RASGRF2: variants seen among roughly 807,000 people sequenced by gnomAD.
The protein encoded by RASGRF2 is ras-specific guanine nucleotide-releasing factor 2.
RASGRF2 carries 76 observed loss-of-function variants against 151.0 expected under a neutral mutation model. That is an observed-to-expected ratio of 0.50 (90% CI 0.42 to 0.61). The LOEUF is 0.61. Ranked by LOEUF, RASGRF2 falls within the 20% of genes least tolerant of loss-of-function variation. RASGRF2 has a pLI of 0.00. For synonymous variants in RASGRF2, 504 were observed against 566.5 expected, an observed-to-expected ratio of 0.89 and a Z score of 1.57; for missense variants, 1,148 against 1,564.6, an observed-to-expected ratio of 0.73 and a Z score of 4.49.
intron 17 of RASGRF2, among the ~76,000 whole-genome samples, chr5:81,157,061 C>A (rs1295701899): frequency 6.6e-6 from 1 of 152,114 alleles, no homozygotes; most frequent in African/African-American, 2.4e-5. Context: ...CTATTCACAA[C>A]ATCATTAAAA....
intron 17 of RASGRF2, among the ~76,000 whole-genome samples, chr5:81,172,465 GTGTGTGTGT>G (rs1168592596): frequency 6.7e-6 from 1 of 149,642 alleles, no homozygotes; most frequent in Admixed American, 6.6e-5. Flanking sequence ...GTGTGTGTGT[GTGTGTGTGT>G]TTATTGTTAC....
rs76452433 is a variant in RASGRF2, at chr5:81,119,725, A to G, written c.2471-3917A>G. On this transcript the variant is annotated intron_variant, in intron 15 of 26. Transcript: ENST00000265080. ...ATCATTCATGGCCTGGGGCCAGCAG[A>G]TGGAGGGAACCTGTGAATAACAGTA... is the stretch of plus-strand genomic sequence containing the variant. 5.3e-3 allele frequency among the ~76,000 whole-genome samples: 811 copies of G among 152,348 alleles called. 4 individuals carry two copies. The highest frequency in any genetic ancestry group is 0.018 in the African/African-American group (750 of 41,568).
At chr5:81,200,958 G>C (rs75173403) in intron 18 of RASGRF2, among the ~76,000 whole-genome samples, 9 of 152,128 alleles carry the variant, frequency 5.9e-5, no homozygotes, top group Non-Finnish European at 1.2e-4. Context: ...TGTGTTGGGG[G>C]CGTGGTACGT....
rs1461889525 is a variant in RASGRF2 at position 81,228,409 on chromosome 5, A to G, written c.*2639A>G. 1 of 152,098 alleles carries G rather than the reference A, an allele frequency of 6.6e-6. No homozygotes were observed. The highest frequency in any genetic ancestry group is 1.5e-5 in the Non-Finnish European group (1 of 68,022). The allele number at this position is 152,098 out of a possible 1,614,324, so 9.4% of individuals were successfully genotyped here. On this transcript the variant is annotated 3_prime_UTR_variant, in exon 27 of 27. Coordinates refer to ENST00000265080, the MANE Select transcript of RASGRF2 (RefSeq NM_006909.3). ...TTTGGTCAAATTAAAAATCCCCAAG[A>G]GCAATTTGCAGTGTTTTTTCTGGTC...
At chr5:81,147,296 C>T (rs1158556573) in intron 17 of RASGRF2, among the ~76,000 whole-genome samples, 1 of 152,086 alleles carries the variant, frequency 6.6e-6, no homozygotes, top group Non-Finnish European at 1.5e-5. Context: ...CTTCGAAACA[C>T]TTTCTTCCTC....
At chr5:81,132,583 C>T (rs1437318016) in intron 17 of RASGRF2, among the ~76,000 whole-genome samples, 1 of 152,132 alleles carries the variant, frequency 6.6e-6, no homozygotes, top group African/African-American at 2.4e-5. Flanking sequence ...AAGACTTTTC[C>T]TCACACTCAT....
chr5:81,029,038 G>A (rs528861110), intron 1 of RASGRF2, among the ~76,000 whole-genome samples: 3 of 152,346 alleles, frequency 2.0e-5, no homozygotes, highest in Non-Finnish European at 4.4e-5. Flanking sequence ...TGCCCACGGA[G>A]CCTCGCTCAC....
At position 81,133,641 on chromosome 5, in the gene RASGRF2, G is replaced by A. The variant is rs564546834; in HGVS notation, c.2686+6478G>A. The stretch of plus-strand genomic sequence containing the variant: ...GAGGTGGGTTATTTTTATGAGAGTA[G>A]AAATCATGGCAGTGGAGGTACTATA... On this transcript the variant is annotated intron_variant, in intron 17 of 26. Transcript: ENST00000265080. Among the ~76,000 whole-genome samples the A allele has an allele frequency of 1.4e-4, 21 of 152,270 alleles. No homozygotes were observed. In the South Asian group the frequency reaches 3.1e-3, roughly 23 times the overall value.
chr5:80,966,311 GTTAAA>G (rs1333185074), intron 1 of RASGRF2, among the ~76,000 whole-genome samples: 2 of 152,020 alleles, frequency 1.3e-5, no homozygotes, highest in Non-Finnish European at 2.9e-5. Context: ...GAATGATTCT[GTTAAA>G]TTACTCACAA....
rs1389653777 is a variant in RASGRF2 at position 81,217,375 on chromosome 5, C to T, written c.3454C>T (p.Pro1152Ser). Residue 1152 changes from proline to serine, a missense_variant, in exon 25 of 27, where the codon CCT becomes TCT. Physicochemically the swap from Pro to Ser is moderately conservative, Grantham distance 74. This residue lies in a region of RASGRF2 where 100 missense variants were observed against 148.2 expected (regional missense o/e 0.67). Transcript: ENST00000265080. ...TLKNCNPPAV[P>S]YLGMYLTDLA... ...TTGCAGTTGTAACCCTCCTGCAGTT[C>T]CTTATCTTGGGATGTACTTGACAGA... 2 of 1,611,630 alleles carry T rather than the reference C, an allele frequency of 1.2e-6. No homozygotes were observed. The highest frequency in any genetic ancestry group is 8.5e-7 in the Non-Finnish European group (1 of 1,179,326).
intron 1 of RASGRF2, among the ~76,000 whole-genome samples, chr5:80,994,765 C>G (rs1274675472): frequency 6.6e-6 from 1 of 152,194 alleles, no homozygotes; most frequent in Non-Finnish European, 1.5e-5. Flanking sequence ...TGGGTATGTA[C>G]TCTCGAGGGA....
intron 18 of RASGRF2, among the ~76,000 whole-genome samples, chr5:81,190,143 CACAA>C (rs1258854748): frequency 2.0e-5 from 3 of 152,224 alleles, no homozygotes; most frequent in Admixed American, 1.3e-4. Context: ...AGTGTTTGTT[CACAA>C]ACAGATTCCC....
chr5:80,966,262 A>G (rs1747719732), intron 1 of RASGRF2, among the ~76,000 whole-genome samples: 2 of 152,120 alleles, frequency 1.3e-5, no homozygotes, highest in South Asian at 2.1e-4. Context: ...CCATCTATCT[A>G]TAATTTGGGG....
chr5:81,086,091 A>T (rs899087484), intron 8 of RASGRF2, among the ~76,000 whole-genome samples, 180 bp downstream of exon 8: 2 of 152,180 alleles, frequency 1.3e-5, no homozygotes, highest in African/African-American at 4.8e-5. Flanking sequence ...CATTCATTTG[A>T]ACCAAGAAAA....
At chr5:81,059,213 C>G (rs913264438) in intron 2 of RASGRF2, among the ~76,000 whole-genome samples, 4 of 151,366 alleles carry the variant, frequency 2.6e-5, no homozygotes, top group African/African-American at 9.7e-5. Flanking sequence ...GAAACCCCCT[C>G]TCTACTAAAA....
intron 17 of RASGRF2, among the ~76,000 whole-genome samples, chr5:81,175,765 A>G (rs1455875995): frequency 6.6e-6 from 1 of 152,024 alleles, no homozygotes; most frequent in Non-Finnish European, 1.5e-5. Context: ...CAAAAAAAAA[A>G]AAAAAAAAAG....
chr5:81,059,266 C>A (rs1751336852), intron 2 of RASGRF2, among the ~76,000 whole-genome samples: 1 of 151,928 alleles, frequency 6.6e-6, no homozygotes, highest in African/African-American at 2.4e-5. Context: ...CGCCTGTAGT[C>A]CCAGCTACTA....
intron 1 of RASGRF2, among the ~76,000 whole-genome samples, chr5:80,990,171 GCT>G (rs1161829491): frequency 6.6e-6 from 1 of 151,780 alleles, no homozygotes; most frequent in Non-Finnish European, 1.5e-5. Flanking sequence ...TTAGCCCAGT[GCT>G]CTGTCGCCTA....
At chr5:81,031,219 A>G (rs1476199812) in intron 1 of RASGRF2, among the ~76,000 whole-genome samples, 2 of 152,100 alleles carry the variant, frequency 1.3e-5, no homozygotes, top group South Asian at 2.1e-4. Context: ...TAACACCCCA[A>G]TGTCAACATT....
Sources: allele counts gnomAD v4.1 joint callset (sites outside exome capture counted in the v4.1 genomes callset), GRCh38; gene constraint gnomAD v4.1.1; regional missense constraint gnomAD v4.1.1; transcripts MANE v1.5; gene names NCBI Gene and HGNC (gene_info 2026-07-23, HGNC 2026-07-21).